The following DCAKD variants were observed in gnomAD, a reference collection of about 807,000 sequenced individuals.
DCAKD encodes dephospho-CoA kinase domain containing, also known as dephospho-CoA kinase domain-containing protein.
Under a neutral mutation model 18.7 loss-of-function variants are expected in DCAKD, and 15 were observed. The ratio of observed to expected loss-of-function variants is 0.80; its 90% CI spans 0.54 to 1.24. DCAKD has a LOEUF of 1.24. DCAKD is among the 50% of genes most tolerant of loss of function. The probability of loss-of-function intolerance (pLI) is 0.00; values close to 1 mark genes in which losing one functional copy is unlikely to be tolerated. For missense variants in DCAKD, 301 were observed against 322.0 expected (o/e 0.93, Z 0.50); for synonymous variants, 130 against 133.0 (o/e 0.98, Z 0.16).
In DCAKD at chr17:45,034,334, C is replaced by A. The variant is rs371641816; in HGVS notation, c.169G>T (p.Val57Phe). 18 of 1,613,974 alleles carry A rather than the reference C, an allele frequency of 1.1e-5. No individual in the cohort carries two copies. Among genetic ancestry groups the A allele is most frequent in the Non-Finnish European group, 1.5e-5 (18 of 1,180,044 alleles). ...TTTATGTCGCCGTTCTCCAGCAAGA[C>A]CTCAGTGCCGAAGACCTCTACGATG... ...RRIVEVFGTE[V>F]LLENGDINRK... The change falls in exon 3 of 5, where the codon GTC becomes TTC. Residue 57 changes from valine (V) to phenylalanine (F), a missense_variant. Coordinates refer to ENST00000651974, the MANE Select transcript of DCAKD (RefSeq NM_001288655.2).
intron 3 of DCAKD, among the ~76,000 whole-genome samples, chr17:45,033,007 C>G (rs1056482244): frequency 2.6e-5 from 4 of 152,172 alleles, no homozygotes; most frequent in African/African-American, 9.7e-5. Context: ...TGACCCCAAC[C>G]TGTAAAGTAA....
intron 1 of DCAKD, 129 bp from the exon 2 acceptor site, chr17:45,035,128 C>T (rs2053265765): frequency 2.1e-6 from 1 of 482,704 alleles, no homozygotes; most frequent in Admixed American, 3.5e-5. Flanking sequence ...GCTCTGGGGC[C>T]ATCTGGAGAG....
upstream of DCAKD, chr17:45,054,114 G>T (rs1461695543): frequency 1.9e-6 from 1 of 518,860 alleles, no homozygotes; most frequent in Non-Finnish European, 3.8e-6. Flanking sequence ...CCAATAAAAA[G>T]GATTCCATCT....
chr17:45,045,795 C>T (rs2143338886), intron 1 of DCAKD, among the ~76,000 whole-genome samples: 1 of 151,372 alleles, frequency 6.6e-6, no homozygotes, highest in South Asian at 2.1e-4. Context: ...AAATATTTAG[C>T]TCATGGGCAA....
chr17:45,045,731 C>CA (rs759264562), intron 1 of DCAKD, among the ~76,000 whole-genome samples: 5,756 of 70,326 alleles, frequency 0.082, 404 homozygotes, highest in African/African-American at 0.23. Flanking sequence ...GACTCTGTCT[C>CA]AAAAAAAAAA....
chr17:45,058,963 G>A (rs1187450662), intron 1 of DCAKD, among the ~76,000 whole-genome samples: 4 of 152,032 alleles, frequency 2.6e-5, no homozygotes, highest in East Asian at 1.9e-4. Context: ...TGAGTTGGCC[G>A]GGCGCGGTGG....
chr17:45,032,554 G>A (rs1393629670), intron 3 of DCAKD, among the ~76,000 whole-genome samples: 1 of 152,136 alleles, frequency 6.6e-6, no homozygotes, highest in East Asian at 1.9e-4. Context: ...GGAGGGCGAG[G>A]CAGGCATATC....
Position 45,030,184 on chromosome 17 carries a change from G to A in DCAKD, c.317-5C>T, listed in dbSNP as rs2053146362. 2.5e-6 allele frequency: 4 copies of A among 1,613,738 alleles called. No individual in the cohort carries two copies. The African/African-American group carries it at 4.0e-5, about 16-fold the overall frequency. ...CCAGAATCACGTAGCGGTATCCTGG[G>A]GAGAGGTTGGAAATCCCCCAAGTTC... On this transcript the variant is annotated splice_region_variant and splice_polypyrimidine_tract_variant and intron_variant, in intron 3 of 4. Transcript: ENST00000651974.
At chr17:45,033,174 C>A (rs993972718) in intron 3 of DCAKD, among the ~76,000 whole-genome samples, 1 of 145,258 alleles carries the variant, frequency 6.9e-6, no homozygotes, top group South Asian at 2.2e-4. Context: ...AGTGAGACCC[C>A]ATCTCTAAAA....
chr17:45,024,837 T>C, intron 4 of DCAKD, 113 bp from the exon 5 acceptor site: 1 of 1,322,210 alleles, frequency 7.6e-7, no homozygotes, highest in East Asian at 2.5e-5. Flanking sequence ...GGACTGGATC[T>C]TCCCTCCAAC....
chr17:45,044,734 AAT>A (rs2053526941), intron 1 of DCAKD, among the ~76,000 whole-genome samples: 1 of 146,864 alleles, frequency 6.8e-6, no homozygotes, highest in African/African-American at 2.6e-5. Context: ...TAAATAAATA[AAT>A]AAAAGCTGTG....
chr17:45,035,093 G>A, intron 1 of DCAKD, 94 bp from the exon 2 acceptor site: 2 of 563,232 alleles, frequency 3.6e-6, no homozygotes, highest in Non-Finnish European at 6.4e-6. Flanking sequence ...CTTGGCTGGG[G>A]AGGGACATGT....
chr17:45,034,181 A>T lies in DCAKD; in HGVS notation c.316+6T>A. ...CCCGCCCCCCGCCCCAGGCCCTGGC[A>T]CTTACCCCGGAGGAAGTACTTGAAC... On this transcript the variant is annotated splice_donor_region_variant and intron_variant, in intron 3 of 4. Coordinates refer to ENST00000651974, the MANE Select transcript of DCAKD (RefSeq NM_001288655.2). The T allele has an allele frequency of 1.3e-6, 2 of 1,489,382 alleles. No individual in the cohort carries two copies. The highest frequency in any genetic ancestry group is 1.9e-6 in the Non-Finnish European group (2 of 1,070,824). The allele number at this position is 1,489,382 out of a possible 1,614,324, so 92.3% of individuals were successfully genotyped here.
chr17:45,056,843 C>G (rs1462784964), intron 1 of DCAKD, among the ~76,000 whole-genome samples: 3 of 151,986 alleles, frequency 2.0e-5, no homozygotes, highest in Admixed American at 6.6e-5. Context: ...TCTCCGCTCA[C>G]TGCAAGCTCC....
In DCAKD at chr17:45,034,300, A is replaced by AC; in HGVS notation, c.202dup (p.Val68GlyfsTer8). The AC allele has an allele frequency of 5.0e-6, 8 of 1,613,786 alleles. No individual in the cohort carries two copies. Among genetic ancestry groups the AC allele is most frequent in the Non-Finnish European group, 6.8e-6 (8 of 1,179,930 alleles). ...CTGGTTAAAGATCAGGTCCCCCAGG[A>AC]CCTTGCGATTTATGTCGCCGTTCTC... On this transcript the variant is annotated frameshift_variant, in exon 3 of 5. Transcript: ENST00000651974. LOFTEE classifies it high-confidence loss of function.
At chr17:45,042,376 T>C (rs891815422) in intron 1 of DCAKD, among the ~76,000 whole-genome samples, 5 of 152,186 alleles carry the variant, frequency 3.3e-5, no homozygotes, top group Non-Finnish European at 7.3e-5. Context: ...TCAGGACTTA[T>C]GTTGGAGGCA....
At chr17:45,034,726 C>T (rs200646331) in intron 2 of DCAKD, 48 bp downstream of exon 2, 27 of 1,579,980 alleles carry the variant, frequency 1.7e-5, no homozygotes, top group African/African-American at 1.6e-4. Context: ...AGGCCGGAAG[C>T]GTGGGGAGCT....
chr17:45,029,483 C>T (rs189853293), intron 4 of DCAKD, among the ~76,000 whole-genome samples: 8 of 152,320 alleles, frequency 5.3e-5, no homozygotes, highest in Admixed American at 2.0e-4. Context: ...ACTTTCACCC[C>T]ACTGGGACAG....
intron 1 of DCAKD, among the ~76,000 whole-genome samples, chr17:45,043,977 G>A (rs56715301): frequency 0.046 from 6,928 of 152,178 alleles, 519 homozygotes; most frequent in African/African-American, 0.16. Context: ...CGGAAGCCCT[G>A]CAGCAGCCTC....
Sources: gnomAD v4.1 joint callset for allele counts (sites outside exome capture counted in the v4.1 genomes callset) on GRCh38, gnomAD v4.1.1 for gene constraint, MANE v1.5 for transcripts, NCBI Gene and HGNC (gene_info 2026-07-23, HGNC 2026-07-21) for gene names.